Variants in STK3 observed in about 807,000 individuals in gnomAD.
The protein encoded by STK3 is serine/threonine kinase 3.
Under a neutral mutation model 58.0 loss-of-function variants are expected in STK3, and 41 were observed. The observed-to-expected ratio is 0.71, with a 90% CI of 0.55 to 0.92. The LOEUF (loss-of-function observed/expected upper bound fraction) is 0.92. Ranked by LOEUF, STK3 falls within the 40% of genes least tolerant of loss-of-function variation. The pLI, the probability that STK3 is intolerant of heterozygous loss-of-function variation, is 0.00. For synonymous variants in STK3, 170 were observed against 191.0 expected (o/e 0.89, Z 0.91); for missense variants, 479 against 602.7 (o/e 0.79, Z 2.15).
intron 6 of STK3, among the ~76,000 whole-genome samples, chr8:98,596,738 A>C (rs1463661854): frequency 1.3e-5 from 2 of 152,164 alleles, no homozygotes; most frequent in Admixed American, 6.5e-5. Flanking sequence ...TTGAGTACTT[A>C]TAATTTAGTG....
At chr8:98,400,974 C>G (rs1171559882), downstream of STK3, among the ~76,000 whole-genome samples, 1 of 152,082 alleles carries the variant, frequency 6.6e-6, no homozygotes, top group African/African-American at 2.4e-5. Flanking sequence ...TGTGTCATCT[C>G]TCCTTGAATC....
At chr8:98,628,132 A>G (rs1818877093) in intron 6 of STK3, among the ~76,000 whole-genome samples, 3 of 152,230 alleles carry the variant, frequency 2.0e-5, no homozygotes, top group Non-Finnish European at 2.9e-5. Context: ...ACAACTCTAC[A>G]TAAAACTAAA....
intron 2 of STK3, among the ~76,000 whole-genome samples, chr8:98,435,836 A>G (rs1586564281): frequency 6.6e-6 from 1 of 152,172 alleles, no homozygotes; most frequent in Admixed American, 6.5e-5. Flanking sequence ...CTGGCATGAG[A>G]AGGGGCCCTT....
chr8:98,599,268 C>T (rs899491042), intron 6 of STK3, among the ~76,000 whole-genome samples: 1 of 151,814 alleles, frequency 6.6e-6, no homozygotes, highest in Non-Finnish European at 1.5e-5. Flanking sequence ...AGGTAACAAG[C>T]TAAATAAAAT....
At chr8:98,362,830 C>T in the STK3 span, among the ~76,000 whole-genome samples, 6 of 152,320 alleles carry the variant, frequency 3.9e-5, no homozygotes, top group Admixed American at 6.5e-5. Context: ...ACACCTCTTC[C>T]CTGGGTCTGC....
At chr8:98,550,011 AG>A (rs1228054747) in intron 8 of STK3, among the ~76,000 whole-genome samples, 2 of 152,168 alleles carry the variant, frequency 1.3e-5, no homozygotes, top group African/African-American at 4.8e-5. Flanking sequence ...CATTTCAAAA[AG>A]AAAGAAAGGA....
intron 4 of STK3, among the ~76,000 whole-genome samples, chr8:98,730,870 C>T (rs770306299): frequency 9.9e-5 from 15 of 152,156 alleles, no homozygotes; most frequent in Non-Finnish European, 1.5e-4. Context: ...GAACTACAAC[C>T]ATCCTTTAAC....
intron 1 of STK3, among the ~76,000 whole-genome samples, chr8:98,893,044 T>C (rs925264092): frequency 1.3e-5 from 2 of 151,978 alleles, no homozygotes; most frequent in African/African-American, 4.8e-5. Flanking sequence ...AGAAGGAAGG[T>C]AAGAACAGGT....
At chr8:98,637,010 T>C (rs534854472) in intron 6 of STK3, among the ~76,000 whole-genome samples, 2 of 152,162 alleles carry the variant, frequency 1.3e-5, no homozygotes, top group South Asian at 2.1e-4. Context: ...GCTAACTTTC[T>C]TATGATTGAA....
chr8:98,559,677 C>T (rs1374645982), intron 8 of STK3, among the ~76,000 whole-genome samples: 3 of 152,116 alleles, frequency 2.0e-5, no homozygotes, highest in Non-Finnish European at 4.4e-5. Context: ...GACCTATGGA[C>T]ATCGCAAATT....
At chr8:98,588,224 C>T (rs547872544) in intron 7 of STK3, among the ~76,000 whole-genome samples, 1 of 152,210 alleles carries the variant, frequency 6.6e-6, no homozygotes, top group East Asian at 1.9e-4. Context: ...CATGATTTTG[C>T]AGCGGCTGGT....
chr8:98,669,403 A>T (rs1822637302), intron 6 of STK3, among the ~76,000 whole-genome samples: 1 of 152,262 alleles, frequency 6.6e-6, no homozygotes, highest in Admixed American at 6.5e-5. Flanking sequence ...ATTGATCATA[A>T]CACCAAGCCT....
At chr8:98,538,690 A>C (rs1471749855) in intron 9 of STK3, among the ~76,000 whole-genome samples, 2 of 152,224 alleles carry the variant, frequency 1.3e-5, no homozygotes, top group Non-Finnish European at 2.9e-5. Flanking sequence ...TACAGGAAAG[A>C]TATTTTCATT....
intron 3 of STK3, among the ~76,000 whole-genome samples, chr8:98,404,140 T>C (rs1031303802): frequency 6.6e-6 from 1 of 152,220 alleles, no homozygotes; most frequent in Non-Finnish European, 1.5e-5. Flanking sequence ...ACAGCGAATC[T>C]AGTTTCCTCA....
At chr8:98,702,472 T>C (rs1045591011) in intron 6 of STK3, among the ~76,000 whole-genome samples, 2 of 152,212 alleles carry the variant, frequency 1.3e-5, no homozygotes, top group Non-Finnish European at 1.5e-5. Context: ...AAAAACAGTA[T>C]TAATTTGTGG....
At chr8:98,413,617 G>C in intron 3 of STK3, 1 of 716,922 alleles carries the variant, frequency 1.4e-6, no homozygotes, top group Non-Finnish European at 2.6e-6. Flanking sequence ...TGGATACAAA[G>C]ACAAAGGTCT....
chr8:98,353,545 TA>T, the STK3 span, among the ~76,000 whole-genome samples: 343 of 152,292 alleles, frequency 2.3e-3, 5 homozygotes, highest in African/African-American at 7.7e-3. Flanking sequence ...ATTTTGTGTT[TA>T]GACTTGGGTC....
chr8:98,550,601 T>C (rs1811082314), intron 8 of STK3, among the ~76,000 whole-genome samples: 1 of 152,140 alleles, frequency 6.6e-6, no homozygotes, highest in Admixed American at 6.6e-5. Flanking sequence ...TAATTCTCTC[T>C]TAGCTCCATC....
At chr8:98,865,024 C>T (rs1470793923) in intron 3 of STK3, among the ~76,000 whole-genome samples, 1 of 152,194 alleles carries the variant, frequency 6.6e-6, no homozygotes, top group Non-Finnish European at 1.5e-5. Flanking sequence ...CATGGTCACA[C>T]CTAGATGACA....
Sources: gnomAD v4.1 joint callset for allele counts (sites outside exome capture counted in the v4.1 genomes callset) on GRCh38, gnomAD v4.1.1 for gene constraint, MANE v1.5 for transcripts, NCBI Gene and HGNC (gene_info 2026-07-23, HGNC 2026-07-21) for gene names.